The following PRDM16 variants were observed in gnomAD, a reference collection of about 807,000 sequenced individuals.
The protein encoded by PRDM16 is PR/SET domain 16, also known as histone-lysine N-methyltransferase PRDM16.
PRDM16 carries 23 observed loss-of-function variants against 110.6 expected under a neutral mutation model. The observed-to-expected ratio is 0.21, with a 90% CI of 0.15 to 0.29. PRDM16 has a LOEUF of 0.29. PRDM16 is among the 10% of genes least tolerant of loss of function. PRDM16 has a pLI of 1.00. For synonymous variants in PRDM16, 799 were observed against 781.8 expected (o/e 1.02, Z -0.37); for missense variants, 1,615 against 1,794.3 (o/e 0.90, Z 1.81).
chr1:3,350,309 G>A lies in PRDM16; in HGVS notation c.439-34843G>A, dbSNP rs1039890550. Among the ~76,000 whole-genome samples, 9 of 152,176 alleles carry A rather than the reference G, an allele frequency of 5.9e-5. No individual in the cohort carries two copies. The highest frequency in any genetic ancestry group is 2.2e-4 in the African/African-American group (9 of 41,438). On this transcript the variant is annotated intron_variant, in intron 3 of 16. Coordinates refer to ENST00000270722, the MANE Select transcript of PRDM16 (RefSeq NM_022114.4). The surrounding 1 kb of genome is among the most constrained non-coding windows in gnomAD (Gnocchi z 7.1). ...CCACTATACTCCAGCCTGGGCGAGA[G>A]AGTGAGACCCTGTCTCAAAAAAATG...
chr1:3,231,668 G>C (rs1193300235), intron 2 of PRDM16, among the ~76,000 whole-genome samples: 1 of 152,248 alleles, frequency 6.6e-6, no homozygotes, highest in Non-Finnish European at 1.5e-5. Context: ...GCCCCTGAAG[G>C]CATCCTCCAG....
Position 3,412,446 on chromosome 1 carries a change from T to C in PRDM16, c.2249T>C (p.Leu750Pro). ...GACCGAGCCCTCGCCCACAACTTGC[T>C]GGTCAAGGCCGAGCCAAAGTCACCC... ...FTDRALAHNL[L>P]VKAEPKSPRD... Residue 750 changes from leucine (L) to proline (P), a missense_variant, in exon 9 of 17, where the codon CTG becomes CCG. Leu to Pro is a moderately conservative substitution (Grantham distance 98). Transcript: ENST00000270722. The C allele has an allele frequency of 6.2e-7, 1 of 1,612,530 alleles. No individual in the cohort carries two copies. The highest frequency in any genetic ancestry group is 8.5e-7 in the Non-Finnish European group (1 of 1,179,480).
chr1:3,121,990 C>T (rs918324644), intron 1 of PRDM16, among the ~76,000 whole-genome samples: 9 of 152,236 alleles, frequency 5.9e-5, no homozygotes, highest in Admixed American at 3.9e-4. Context: ...CAGGCGCGGG[C>T]GGTTGGTATC....
chr1:3,164,317 CTG>C (rs368014119), intron 1 of PRDM16, among the ~76,000 whole-genome samples: 8 of 152,358 alleles, frequency 5.3e-5, no homozygotes, highest in African/African-American at 1.9e-4. Context: ...AGTTTTTAAA[CTG>C]AAAGGTTTTG....
At chr1:3,410,365 G>A (rs1009315639) in intron 8 of PRDM16, among the ~76,000 whole-genome samples, 7 of 152,156 alleles carry the variant, frequency 4.6e-5, no homozygotes, top group Non-Finnish European at 8.8e-5. Flanking sequence ...TCGCCAGCCA[G>A]AGCCGGGCAC....
intron 10 of PRDM16, 35 bp from the exon 11 acceptor site, chr1:3,417,793 G>A: frequency 3.1e-6 from 5 of 1,601,082 alleles, no homozygotes; most frequent in Non-Finnish European, 4.3e-6. Flanking sequence ...GTGAGAGTCA[G>A]CTGAGTCCAT....
intron 5 of PRDM16, among the ~76,000 whole-genome samples, chr1:3,397,884 G>A (rs115000053): frequency 5.0e-4 from 76 of 152,272 alleles, no homozygotes; most frequent in African/African-American, 1.8e-3. Flanking sequence ...ATCACCGAGC[G>A]TGGCCCAGCT....
chr1:3,276,824 G>A (rs563019080), intron 3 of PRDM16, among the ~76,000 whole-genome samples: 49 of 149,662 alleles, frequency 3.3e-4, no homozygotes, highest in African/African-American at 1.2e-3. Flanking sequence ...TGCCTGGGCC[G>A]CCTCGGCCTG....
intron 1 of PRDM16, among the ~76,000 whole-genome samples, chr1:3,085,212 G>C (rs1319438524): frequency 2.6e-5 from 4 of 152,192 alleles, no homozygotes; most frequent in African/African-American, 4.8e-5. Flanking sequence ...GGGAAGACCC[G>C]CCTGGCCAAG....
intron 3 of PRDM16, among the ~76,000 whole-genome samples, chr1:3,364,950 C>A (rs1029129526): frequency 6.6e-6 from 1 of 152,212 alleles, no homozygotes; most frequent in Non-Finnish European, 1.5e-5. Context: ...CCCTCATTCC[C>A]TCGTGCAGCC....
intron 12 of PRDM16, among the ~76,000 whole-genome samples, chr1:3,422,513 G>A (rs1162438304): frequency 2.6e-5 from 4 of 152,264 alleles, no homozygotes; most frequent in African/African-American, 4.8e-5. Context: ...ATCCGGGCTG[G>A]AGACGCAGAG....
rs1258868725 is a variant in PRDM16, at chr1:3,148,311, G to A, written c.38-37814G>A. Among the ~76,000 whole-genome samples, 6 of 152,140 alleles carry A rather than the reference G, an allele frequency of 3.9e-5. No homozygotes were observed. Among genetic ancestry groups the A allele is most frequent in the South Asian group, 2.1e-4 (1 of 4,826 alleles). ...CAGGACAGAGCAGCCACAGGTGGCC[G>A]CCCAGGGGTTTACTCTAGGGGTGTC... is the stretch of plus-strand genomic sequence containing the variant. On this transcript the variant is annotated intron_variant, in intron 1 of 16. Transcript: ENST00000270722. The surrounding 1 kb of genome is among the most constrained non-coding windows in gnomAD (Gnocchi z 5.0).
intron 2 of PRDM16, among the ~76,000 whole-genome samples, chr1:3,192,591 A>G (rs1391955455): frequency 2.0e-5 from 3 of 152,070 alleles, no homozygotes; most frequent in Admixed American, 2.0e-4. Flanking sequence ...GTGCTGGTGT[A>G]GGAGCTGGAC....
At chr1:3,159,869 G>C (rs928837552) in intron 1 of PRDM16, among the ~76,000 whole-genome samples, 2 of 152,194 alleles carry the variant, frequency 1.3e-5, no homozygotes, top group Non-Finnish European at 2.9e-5. Context: ...GAGTGCCAGA[G>C]AAAATACAGG....
chr1:3,150,197 A>T (rs10909886), intron 1 of PRDM16, among the ~76,000 whole-genome samples: 36,345 of 152,154 alleles, frequency 0.24, 4,444 homozygotes, highest in Admixed American at 0.3. Flanking sequence ...AACCTTCCAG[A>T]ACTTGTTTCC....
intron 14 of PRDM16, among the ~76,000 whole-genome samples, chr1:3,430,558 T>C (rs1638736677): frequency 6.6e-6 from 1 of 152,186 alleles, no homozygotes; most frequent in South Asian, 2.1e-4. Flanking sequence ...CCCACAGGAC[T>C]GCCCACTGCT....
At chr1:3,372,904 T>C (rs183677313) in intron 3 of PRDM16, among the ~76,000 whole-genome samples, 1 of 151,966 alleles carries the variant, frequency 6.6e-6, no homozygotes, top group Non-Finnish European at 1.5e-5. Context: ...TGCTATGGGG[T>C]GGGGAGAGGG....
chr1:3,251,276 G>A (rs968085100), intron 3 of PRDM16, among the ~76,000 whole-genome samples: 1 of 147,364 alleles, frequency 6.8e-6, no homozygotes, highest in African/African-American at 2.5e-5. Flanking sequence ...TGCAATGGGA[G>A]ATAATGAGTC....
At chr1:3,387,221 C>T (rs1249511849) in intron 4 of PRDM16, among the ~76,000 whole-genome samples, 2 of 152,238 alleles carry the variant, frequency 1.3e-5, no homozygotes, top group East Asian at 1.9e-4. Flanking sequence ...TCCAAAGCTC[C>T]GTCCTAGAGT....
Sources: gnomAD v4.1 joint callset for allele counts (sites outside exome capture counted in the v4.1 genomes callset) on GRCh38, gnomAD v4.1.1 for gene constraint, Gnocchi (gnomAD v3.1) non-coding constraint, MANE v1.5 for transcripts, NCBI Gene and HGNC (gene_info 2026-07-23, HGNC 2026-07-21) for gene names.